Variants in C2orf92 observed in about 807,000 individuals in gnomAD.
C2orf92 encodes chromosome 2 open reading frame 92.
At position 97,676,557 on chromosome 2, in the gene C2orf92, A is replaced by G. The variant is rs540266229; in HGVS notation, c.232+629A>G. On this transcript the variant is annotated intron_variant, in intron 3 of 7. Transcript: ENST00000627399. ...GAGGATTGCTGGAGGACAGAAGTTC[A>G]GGACCAGCCTCAGCAACATATCAAA... is the stretch of plus-strand genomic sequence containing the variant. Among the ~76,000 whole-genome samples, 7 of 151,718 alleles carry G rather than the reference A, an allele frequency of 4.6e-5. No individual in the cohort carries two copies. In the East Asian group the frequency reaches 1.2e-3, roughly 25 times the overall value.
At position 97,696,605 on chromosome 2, in the gene C2orf92, G is replaced by A. The variant is rs372282802; in HGVS notation, c.404-2421G>A. 7.9e-5 allele frequency among the ~76,000 whole-genome samples: 12 copies of A among 152,140 alleles called. No individual in the cohort carries two copies. In the South Asian group the frequency reaches 1.2e-3, roughly 16 times the overall value. On this transcript the variant is annotated intron_variant, in intron 5 of 7. Transcript: ENST00000627399. ...ACAAATATTAGCTGGGTGTGCTGGC[G>A]TATCCCTGTAATCCCAGCTACTTGG... is the stretch of plus-strand genomic sequence containing the variant.
At chr2:97,676,962 G>T (rs1675604474) in intron 3 of C2orf92, among the ~76,000 whole-genome samples, 1 of 152,194 alleles carries the variant, frequency 6.6e-6, no homozygotes, top group Non-Finnish European at 1.5e-5. Flanking sequence ...GGGGTGGGGA[G>T]CTCCAGGAAT....
rs1675789899 is a variant in C2orf92, at chr2:97,681,897, G to A, written c.232+5969G>A. On this transcript the variant is annotated intron_variant, in intron 3 of 7. Transcript: ENST00000627399. ...GGGATCTTAAATAAATAACCTAATT[G>A]TACACCTAAAGGAACTAGAAAAAGA... Among the ~76,000 whole-genome samples, 4 of 151,644 alleles carry A rather than the reference G, an allele frequency of 2.6e-5. 1 individual carries two copies. The highest frequency in any genetic ancestry group is 9.7e-5 in the African/African-American group (4 of 41,256).
chr2:97,664,873 C>T (rs1675154902), upstream of C2orf92: 1 of 152,234 alleles, frequency 6.6e-6, no homozygotes, highest in Admixed American at 6.5e-5. Context: ...TTGCGCACGG[C>T]CCCATAATAT....
chr2:97,697,402 T>G (rs992761153), intron 5 of C2orf92: 1 of 152,192 alleles, frequency 6.6e-6, no homozygotes, highest in African/African-American at 2.4e-5. Context: ...AGTGAAAATG[T>G]GTTCCCGTGT....
At chr2:97,667,717 C>T (rs1326923466), upstream of C2orf92, among the ~76,000 whole-genome samples, 1 of 152,094 alleles carries the variant, frequency 6.6e-6, no homozygotes, top group East Asian at 1.9e-4. Context: ...CAGGTGTGAG[C>T]CACCGTGCCT....
chr2:97,701,640 A>G (rs777956177), intron 7 of C2orf92, among the ~76,000 whole-genome samples: 16 of 152,252 alleles, frequency 1.1e-4, no homozygotes, highest in Non-Finnish European at 1.6e-4. Flanking sequence ...TACAAAAGAA[A>G]GGAAAAATAC....
At chr2:97,686,446 G>T (rs911688899) in intron 3 of C2orf92, among the ~76,000 whole-genome samples, 2 of 151,656 alleles carry the variant, frequency 1.3e-5, no homozygotes, top group African/African-American at 4.8e-5. Context: ...CTGAGATGGA[G>T]TCTTGCCCTG....
intron 5 of C2orf92, chr2:97,697,294 C>T (rs184722689): frequency 1.3e-5 from 2 of 152,306 alleles, no homozygotes; most frequent in Non-Finnish European, 2.9e-5. Flanking sequence ...ACATAAAAGA[C>T]GCCTTCAGAT....
At chr2:97,693,323 A>G (rs61070850) in intron 5 of C2orf92, among the ~76,000 whole-genome samples, 6,030 of 152,250 alleles carry the variant, frequency 0.04, 422 homozygotes, top group African/African-American at 0.14. Context: ...CCTGTTTTCA[A>G]TTCTTTAGGA....
intron 5 of C2orf92, among the ~76,000 whole-genome samples, chr2:97,697,574 G>A (rs1323084006): frequency 6.6e-6 from 1 of 152,116 alleles, no homozygotes; most frequent in Non-Finnish European, 1.5e-5. Context: ...TTATTAAATT[G>A]GGAGTTTTCT....
At chr2:97,674,049 GA>G (rs1337713061) in intron 1 of C2orf92, among the ~76,000 whole-genome samples, 2 of 152,182 alleles carry the variant, frequency 1.3e-5, no homozygotes, top group Non-Finnish European at 2.9e-5. Context: ...CTTAAACAAA[GA>G]GTGGTTTATT....
At chr2:97,665,752 TATATATATATA>T (rs1190282621), upstream of C2orf92, 26 of 72,786 alleles carry the variant, frequency 3.6e-4, no homozygotes, top group African/African-American at 9.7e-4. Flanking sequence ...TATATATATA[TATATATATATA>T]TATATATATA....
intron 1 of C2orf92, among the ~76,000 whole-genome samples, chr2:97,672,797 G>A (rs575694485): frequency 3.6e-4 from 55 of 152,226 alleles, no homozygotes; most frequent in Middle Eastern, 6.8e-3. Context: ...TGGTGACCCC[G>A]ATGGTTCATT....
rs1040087193 is a variant in C2orf92, at chr2:97,674,462, T to C, written c.53T>C (p.Ile18Thr). 4.0e-5 allele frequency: 16 copies of C among 398,572 alleles called. No homozygotes were observed. The highest frequency in any genetic ancestry group is 2.9e-4 in the African/African-American group (14 of 48,724). 24.7% of individuals were successfully genotyped at this position (398,572 alleles called of 1,614,324 possible). ...FFVLCWIQDE[I>T]VLQVFSKVPY... Reference sequence around the variant, plus strand: ...TTTGTTTGCTTCACTGGAGATGAAATTGTGCTCCAAGTGTTTTCCAAGGTT... The same window carrying C: ...TTTGTTTGCTTCACTGGAGATGAAACTGTGCTCCAAGTGTTTTCCAAGGTT... Residue 18 changes from isoleucine to threonine, a missense_variant, in exon 2 of 8, where the codon ATT becomes ACT. By Grantham distance (89) the Ile-to-Thr change is moderately conservative. Coordinates refer to ENST00000627399, the MANE Select transcript of C2orf92 (RefSeq NM_001351368.2).
At chr2:97,668,241 G>A (rs184636263), upstream of C2orf92, 19 of 151,934 alleles carry the variant, frequency 1.3e-4, no homozygotes, top group Admixed American at 9.8e-4. Flanking sequence ...AGATTTCTGT[G>A]GTTACCATGA....
chr2:97,694,522 AGTG>A (rs757391878), intron 5 of C2orf92: 11 of 151,642 alleles, frequency 7.3e-5, no homozygotes, highest in East Asian at 5.8e-4. Context: ...GGCCTCCCAA[AGTG>A]CTGGGATTAC....
intron 3 of C2orf92, among the ~76,000 whole-genome samples, chr2:97,682,951 C>T (rs1366247780): frequency 1.3e-5 from 2 of 152,004 alleles, no homozygotes; most frequent in African/African-American, 4.8e-5. Context: ...CAATACAGTA[C>T]TGGAAGTCAT....
chr2:97,693,617 A>C (rs1676210657), intron 5 of C2orf92, among the ~76,000 whole-genome samples: 1 of 152,252 alleles, frequency 6.6e-6, no homozygotes, highest in Non-Finnish European at 1.5e-5. Context: ...CCAACCTTAC[A>C]TTCCTAGAAT....
Sources: gnomAD v4.1 joint callset for allele counts (sites outside exome capture counted in the v4.1 genomes callset) on GRCh38, gnomAD v4.1.1 for gene constraint, MANE v1.5 for transcripts, NCBI Gene and HGNC (gene_info 2026-07-23, HGNC 2026-07-21) for gene names.